Variants in NAP1L4 observed in about 807,000 individuals in gnomAD.
NAP1L4 encodes the protein nucleosome assembly protein 1-like 4.
In NAP1L4, 15 loss-of-function variants were observed where a neutral mutation model predicts 58.2. The ratio of observed to expected loss-of-function variants is 0.26; its 90% CI spans 0.17 to 0.40. The LOEUF (loss-of-function observed/expected upper bound fraction) is 0.40, where lower values mean the gene tolerates loss of function less well. Among genes scored for constraint, NAP1L4 ranks in the 10% least tolerant of loss-of-function variants. The pLI, the probability that NAP1L4 is intolerant of heterozygous loss-of-function variation, is 1.00. For missense variants in NAP1L4, 384 were observed against 451.1 expected (o/e 0.85, Z 1.35); for synonymous variants, 171 against 155.6 (o/e 1.10, Z -0.74).
rs1284002599 is a variant in NAP1L4 at position 2,949,381 on chromosome 11, G to A, written c.1123-117C>T. On this transcript the variant is annotated intron_variant, in intron 14 of 15. Transcript: ENST00000380542. This position sits in a 1 kb window ranked among gnomAD's most constrained non-coding sequence, Gnocchi z 4.0. ...TGATACAAAAGGGCTGCAAGATACTGAACTCGGGGTGAACAACTTCAACAC... is the reference window on the plus strand; with the variant it reads ...TGATACAAAAGGGCTGCAAGATACTAAACTCGGGGTGAACAACTTCAACAC... 2.4e-6 allele frequency: 2 copies of A among 820,730 alleles called. No individual in the cohort carries two copies. Among genetic ancestry groups the A allele is most frequent in the Non-Finnish European group, 4.2e-6 (2 of 477,412 alleles). 50.8% of individuals were successfully genotyped at this position (820,730 alleles called of 1,614,324 possible). A position where few individuals can be genotyped will look rare whatever the true frequency, so the allele number is the denominator to read the frequency against.
chr11:2,960,511 G>A (rs1476764297), intron 8 of NAP1L4, among the ~76,000 whole-genome samples: 1 of 152,258 alleles, frequency 6.6e-6, no homozygotes, highest in African/African-American at 2.4e-5. Context: ...ATGAACGCAG[G>A]CATAGAACAA....
intron 1 of NAP1L4, chr11:2,989,259 A>G (rs555504298): frequency 6.6e-5 from 10 of 152,316 alleles, no homozygotes; most frequent in African/African-American, 2.4e-4. Context: ...CTGGAAGCCT[A>G]AAACACTTTT....
chr11:2,968,346 G>A (rs1847411669), intron 7 of NAP1L4, among the ~76,000 whole-genome samples: 2 of 152,132 alleles, frequency 1.3e-5, no homozygotes, highest in South Asian at 2.1e-4. Flanking sequence ...GTGAGACTAC[G>A]GCTCTGGTAG....
chr11:2,972,695 G>C (rs1381662231), intron 4 of NAP1L4, among the ~76,000 whole-genome samples: 3 of 152,216 alleles, frequency 2.0e-5, no homozygotes, highest in Non-Finnish European at 4.4e-5. Context: ...CTTAAGGCTG[G>C]GCGCAGTGGC....
At chr11:2,950,442 A>G (rs1285776300) in intron 14 of NAP1L4, among the ~76,000 whole-genome samples, 1 of 152,220 alleles carries the variant, frequency 6.6e-6, no homozygotes, top group Non-Finnish European at 1.5e-5. Flanking sequence ...ACTCCAAAAA[A>G]CAAGGGTAAA....
At chr11:2,961,887 C>CT (rs879390468) in intron 8 of NAP1L4, among the ~76,000 whole-genome samples, 364 of 152,320 alleles carry the variant, frequency 2.4e-3, no homozygotes, top group Middle Eastern at 0.017. Flanking sequence ...TCTCTCCCCT[C>CT]TGCCTTTGTT....
chr11:2,987,779 C>CAATGAAT (rs1327370553), intron 1 of NAP1L4, among the ~76,000 whole-genome samples: 14 of 124,390 alleles, frequency 1.1e-4, no homozygotes, highest in Non-Finnish European at 1.9e-4. Flanking sequence ...AAAAAAAAAG[C>CAATGAAT]AATGAATAAT....
At chr11:2,945,767 G>A (rs1290404480) in intron 15 of NAP1L4, 121 bp from the exon 16 acceptor site, 7 of 715,736 alleles carry the variant, frequency 9.8e-6, no homozygotes, top group African/African-American at 1.9e-5. Flanking sequence ...AATGGTTACT[G>A]CAAATATACT....
chr11:2,956,237 A>G (rs1018856213), intron 10 of NAP1L4, among the ~76,000 whole-genome samples: 3 of 152,136 alleles, frequency 2.0e-5, no homozygotes, highest in Admixed American at 1.3e-4. Flanking sequence ...CAGAAACTGC[A>G]TTTCTGTTTG....
At chr11:2,984,166 CAAAAA>C (rs35188952) in intron 1 of NAP1L4, among the ~76,000 whole-genome samples, 145 of 80,532 alleles carry the variant, frequency 1.8e-3, no homozygotes, top group African/African-American at 6.9e-3. Context: ...GACCCTGCCT[CAAAAA>C]AAAAAAAAAA....
rs1203343830 is a variant in NAP1L4, at chr11:2,945,272, C to G, written c.*407G>C. ...GATCCTGGGAACCACATCACCAGAC[C>G]TCGGCCCTTTTTGCCAAGTGACCCC... On this transcript the variant is annotated 3_prime_UTR_variant, in exon 16 of 16. Transcript: ENST00000380542. 2 of 251,818 alleles carry G rather than the reference C, an allele frequency of 7.9e-6. No individual in the cohort carries two copies. Among genetic ancestry groups the G allele is most frequent in the Non-Finnish European group, 1.5e-5 (2 of 133,110 alleles). The allele number at this position is 251,818 out of a possible 1,614,324, so 15.6% of individuals were successfully genotyped here. A position where few individuals can be genotyped will look rare whatever the true frequency, so the allele number is the denominator to read the frequency against.
chr11:2,950,656 T>C (rs559917042), intron 14 of NAP1L4, among the ~76,000 whole-genome samples: 2 of 152,370 alleles, frequency 1.3e-5, no homozygotes, highest in East Asian at 3.9e-4. Flanking sequence ...TCAAAGTACC[T>C]TGATTTAAGT....
At chr11:2,986,919 G>GTA (rs1848669086) in intron 1 of NAP1L4, among the ~76,000 whole-genome samples, 2 of 36,320 alleles carry the variant, frequency 5.5e-5, no homozygotes, top group East Asian at 3.1e-3. Flanking sequence ...ATGAGCCACC[G>GTA]CACTCTAAGA....
At position 2,981,418 on chromosome 11, in the gene NAP1L4, C is replaced by CAAAAAAAAAA. The variant is rs35499396; in HGVS notation, c.-17-2191_-17-2182dup. On this transcript the variant is annotated intron_variant, in intron 1 of 15. Transcript: ENST00000380542. ...GGACAACAGAGCAAGTACCCTGTCT[C>CAAAAAAAAAA]AAAAAAAAAAAAAAAAAAAAAAAAA... Among the ~76,000 whole-genome samples the CAAAAAAAAAA allele has an allele frequency of 5.2e-3, 215 of 41,230 alleles. 10 individuals are homozygous for CAAAAAAAAAA. The highest frequency in any genetic ancestry group is 0.012 in the East Asian group (7 of 602). 27.0% of individuals were successfully genotyped at this position (41,230 alleles called of 152,430 possible). A position where few individuals can be genotyped will look rare whatever the true frequency, so the allele number is the denominator to read the frequency against.
rs573204264 is a variant in NAP1L4 at position 2,959,621 on chromosome 11, G to A, written c.746+149C>T. ...CACTATGAGCATTCCCAAACTGAAA[G>A]ACTATTGAAATATACATCTACCAGG... On this transcript the variant is annotated intron_variant, in intron 9 of 15. Coordinates refer to ENST00000380542, the MANE Select transcript of NAP1L4 (RefSeq NM_005969.4). This position sits in a 1 kb window ranked among gnomAD's most constrained non-coding sequence, Gnocchi z 4.9. 5 of 934,786 alleles carry A rather than the reference G, an allele frequency of 5.3e-6. No individual in the cohort carries two copies. Among genetic ancestry groups the A allele is most frequent in the African/African-American group, 1.7e-5 (1 of 60,022 alleles). 57.9% of individuals were successfully genotyped at this position (934,786 alleles called of 1,614,324 possible). A position where few individuals can be genotyped will look rare whatever the true frequency, so the allele number is the denominator to read the frequency against.
chr11:2,958,807 G>C (rs1846698503), intron 9 of NAP1L4: 1 of 473,226 alleles, frequency 2.1e-6, no homozygotes, highest in Non-Finnish European at 3.7e-6. Context: ...ATTTCATCAG[G>C]ACTCTGAAAT....
intron 1 of NAP1L4, among the ~76,000 whole-genome samples, chr11:2,982,487 T>C (rs1414252873): frequency 1.3e-5 from 2 of 152,154 alleles, no homozygotes; most frequent in African/African-American, 4.8e-5. Context: ...GCACCTCCTA[T>C]ACTAGCAAGG....
At position 2,978,445 on chromosome 11, in the gene NAP1L4, C is replaced by G. The variant is rs1038826537; in HGVS notation, c.15-103G>C. On this transcript the variant is annotated intron_variant, in intron 2 of 15. Transcript: ENST00000380542. ...TTCAATATATTAAGAGGTATCTGTA[C>G]AGTGACGTCAGATTTGGGCAGAAGA... 56 of 1,049,000 alleles carry G rather than the reference C, an allele frequency of 5.3e-5. 1 individual carries two copies. The Admixed American group carries it at 1.3e-3, about 24-fold the overall frequency. 65.0% of individuals were successfully genotyped at this position (1,049,000 alleles called of 1,614,324 possible). A position where few individuals can be genotyped will look rare whatever the true frequency, so the allele number is the denominator to read the frequency against.
chr11:2,987,638 TC>T (rs1848714476), intron 1 of NAP1L4, among the ~76,000 whole-genome samples: 1 of 148,582 alleles, frequency 6.7e-6, no homozygotes, highest in African/African-American at 2.5e-5. Context: ...GCACCTGTAA[TC>T]CCAGCTACTT....
Sources: gnomAD v4.1 joint callset for allele counts (sites outside exome capture counted in the v4.1 genomes callset) on GRCh38, gnomAD v4.1.1 for gene constraint, Gnocchi (gnomAD v3.1) non-coding constraint, MANE v1.5 for transcripts, NCBI Gene and HGNC (gene_info 2026-07-23, HGNC 2026-07-21) for gene names.